The following ABCC11 variants were observed in gnomAD, a reference collection of about 807,000 sequenced individuals.
The protein encoded by ABCC11 is ATP-binding cassette sub-family C member 11.
Under a neutral mutation model 149.3 loss-of-function variants are expected in ABCC11, and 135 were observed. The ratio of observed to expected loss-of-function variants is 0.90; its 90% CI spans 0.79 to 1.04. The LOEUF (loss-of-function observed/expected upper bound fraction) is 1.04. Among genes scored for constraint, ABCC11 ranks in the 50% least tolerant of loss-of-function variants. The pLI, the probability that ABCC11 is intolerant of heterozygous loss-of-function variation, is 0.00. For synonymous variants in ABCC11, 665 were observed against 671.4 expected (o/e 0.99, Z 0.15); for missense variants, 1,680 against 1,722.1 (o/e 0.98, Z 0.43).
intron 12 of ABCC11, 140 bp from the exon 13 acceptor site, chr16:48,205,677 G>A (rs908803324): frequency 2.7e-6 from 3 of 1,104,538 alleles, no homozygotes; most frequent in Non-Finnish European, 3.7e-6. Flanking sequence ...TTTTAATGTG[G>A]CCCTACCAGG....
intron 28 of ABCC11, among the ~76,000 whole-genome samples, chr16:48,169,782 G>A: frequency 9.5e-6 from 1 of 105,664 alleles, no homozygotes; most frequent in Non-Finnish European, 1.8e-5. Flanking sequence ...GGGGGGAGGG[G>A]GGAGGGATAG....
chr16:48,236,521 G>T (rs1228391135), intron 1 of ABCC11, among the ~76,000 whole-genome samples: 1 of 152,208 alleles, frequency 6.6e-6, no homozygotes, highest in East Asian at 1.9e-4. Flanking sequence ...CAGGGACCTT[G>T]TCTGTCATGT....
At chr16:48,202,336 C>A (rs980801309) in intron 14 of ABCC11, among the ~76,000 whole-genome samples, 1 of 152,088 alleles carries the variant, frequency 6.6e-6, no homozygotes, top group Non-Finnish European at 1.5e-5. Flanking sequence ...ATAGGCCAAG[C>A]GCAGTAGCTC....
chr16:48,192,705 G>A lies in ABCC11; in HGVS notation c.2521C>T (p.Arg841Ter), dbSNP rs752713916. The A allele has an allele frequency of 1.1e-5, 17 of 1,614,048 alleles. No individual in the cohort carries two copies. The Admixed American group carries it at 1.5e-4, about 14-fold the overall frequency. ...TCTGCCATGGTTCCATTGCTCTCTC[G>A]GCTGCTATTGGTCTTCAAGAAAGAA... ...LEQGSGTNSS[R>*]ESNGTMADLG... The change falls in exon 20 of 30, where the codon CGA becomes TGA. Residue 841 changes from arginine (R) to a stop codon, truncating the protein, a stop_gained. Transcript: ENST00000356608. LOFTEE classifies it high-confidence loss of function.
At chr16:48,243,101 G>T (rs1322185786) in intron 1 of ABCC11, among the ~76,000 whole-genome samples, 1 of 147,998 alleles carries the variant, frequency 6.8e-6, no homozygotes, top group Non-Finnish European at 1.5e-5. Flanking sequence ...TATCAAGGTT[G>T]TAAAAAAAAA....
downstream of ABCC11, chr16:48,164,837 T>G (rs973111228): frequency 5.9e-5 from 9 of 151,718 alleles, no homozygotes; most frequent in African/African-American, 2.2e-4. Flanking sequence ...AAAATTCTGC[T>G]TTATTACTGC....
intron 24 of ABCC11, among the ~76,000 whole-genome samples, chr16:48,177,588 AACTT>A (rs2150736995): frequency 6.6e-6 from 1 of 152,346 alleles, no homozygotes; most frequent in East Asian, 1.9e-4. Flanking sequence ...TAAGTTCCAC[AACTT>A]ACTTAAGATC....
chr16:48,227,611 C>T (rs1970158034), intron 4 of ABCC11, among the ~76,000 whole-genome samples, 195 bp downstream of exon 4: 2 of 151,944 alleles, frequency 1.3e-5, no homozygotes, highest in Admixed American at 6.6e-5. Flanking sequence ...CCCGTATGTA[C>T]AAAATATCCA....
At chr16:48,240,894 A>C (rs898767433) in intron 1 of ABCC11, among the ~76,000 whole-genome samples, 1 of 152,114 alleles carries the variant, frequency 6.6e-6, no homozygotes, top group Non-Finnish European at 1.5e-5. Context: ...CGTCATTAAT[A>C]AGACATTTCA....
At chr16:48,178,712 G>A (rs75119945) in intron 23 of ABCC11, 26 bp from the exon 24 acceptor site, 1 of 1,606,232 alleles carries the variant, frequency 6.2e-7, no homozygotes, top group South Asian at 1.1e-5. Flanking sequence ...AGTATCGGGG[G>A]TCAAGAGGCT....
chr16:48,237,984 C>T (rs566135768), intron 1 of ABCC11, among the ~76,000 whole-genome samples: 30 of 152,278 alleles, frequency 2.0e-4, no homozygotes, highest in African/African-American at 6.5e-4. Flanking sequence ...TCTTTCCTTG[C>T]TTATTGTTTG....
intron 1 of ABCC11, among the ~76,000 whole-genome samples, chr16:48,234,144 A>G (rs1970566939): frequency 6.6e-6 from 1 of 152,158 alleles, no homozygotes; most frequent in African/African-American, 2.4e-5. Flanking sequence ...CACACCCATC[A>G]TGGCCGATTT....
chr16:48,178,578 A>C lies in ABCC11; in HGVS notation c.3348+19T>G. The C allele has an allele frequency of 6.2e-7, 1 of 1,613,316 alleles. No individual in the cohort carries two copies. Among genetic ancestry groups the C allele is most frequent in the Non-Finnish European group, 8.5e-7 (1 of 1,179,412 alleles). On this transcript the variant is annotated intron_variant, in intron 24 of 29. Coordinates refer to ENST00000356608, the MANE Select transcript of ABCC11 (RefSeq NM_001370497.1). The stretch of plus-strand genomic sequence containing the variant: ...CAACTTGCATGGCTCCCCACACCAG[A>C]CCCAGACCTGAACCCCACCTTCATG...
In ABCC11 at chr16:48,181,437, T is replaced by C. The variant is rs187546760; in HGVS notation, c.3259-2751A>G. On this transcript the variant is annotated intron_variant, in intron 23 of 29. Coordinates refer to ENST00000356608, the MANE Select transcript of ABCC11 (RefSeq NM_001370497.1). ...ATTCCAGGCCAGGCTCTACTCTAGG[T>C]TTTTACAAACATTAAGTCTCACATT... 2.3e-3 allele frequency among the ~76,000 whole-genome samples: 347 copies of C among 152,178 alleles called. 2 individuals are homozygous for C. The highest frequency in any genetic ancestry group is 8.2e-3 in the African/African-American group (341 of 41,502).
At position 48,198,562 on chromosome 16, in the gene ABCC11, G is replaced by A. The variant is rs182725244; in HGVS notation, c.2083-287C>T. On this transcript the variant is annotated intron_variant, in intron 15 of 29. Transcript: ENST00000356608. ...TTGAAGAATTATGAACCAACGATTCGACTCCTAAAACCCTACCCAAAAAAA... is the reference window on the plus strand; with the variant it reads ...TTGAAGAATTATGAACCAACGATTCAACTCCTAAAACCCTACCCAAAAAAA... Among the ~76,000 whole-genome samples the A allele has an allele frequency of 5.9e-5, 9 of 151,468 alleles. No homozygotes were observed. The East Asian group carries it at 9.7e-4, about 16-fold the overall frequency.
chr16:48,188,323 C>G (rs1398905864), intron 20 of ABCC11, among the ~76,000 whole-genome samples: 1 of 152,176 alleles, frequency 6.6e-6, no homozygotes, highest in African/African-American at 2.4e-5. Flanking sequence ...GGACTAAGCC[C>G]CAGTCTGGGG....
intron 3 of ABCC11, among the ~76,000 whole-genome samples, chr16:48,228,965 GAA>G (rs1970257482): frequency 1.3e-5 from 2 of 151,418 alleles, no homozygotes; most frequent in African/African-American, 4.9e-5. Context: ...AATGCAATTC[GAA>G]AAGAGACTTG....
Position 48,167,601 on chromosome 16 carries a change from C to A in ABCC11, c.3951G>T (p.Gln1317His). The change falls in exon 29 of 30, where the codon CAG becomes CAT. Residue 1317 changes from glutamine (Q) to histidine (H), a missense_variant. Coordinates refer to ENST00000356608, the MANE Select transcript of ABCC11 (RefSeq NM_001370497.1). ...CCTGGAAGGCTTCACGGATTGTGCG[C>A]TGGATCAGGGTGTCTGTCTCCATGT... ...SIDMETDTLI[Q>H]RTIREAFQGC... The A allele has an allele frequency of 1.9e-6, 3 of 1,612,414 alleles. No homozygotes were observed. The highest frequency in any genetic ancestry group is 2.5e-6 in the Non-Finnish European group (3 of 1,180,004).
Position 48,222,773 on chromosome 16 carries a change from T to C in ABCC11, c.602A>G (p.His201Arg). 3 of 1,614,200 alleles carry C rather than the reference T, an allele frequency of 1.9e-6. No individual in the cohort carries two copies. The highest frequency in any genetic ancestry group is 2.5e-6 in the Non-Finnish European group (3 of 1,180,020). Residue 201 changes from histidine (H) to arginine (R), a missense_variant, in exon 6 of 30, where the codon CAT (histidine) becomes CGT (arginine). His to Arg is a conservative substitution (Grantham distance 29). Transcript: ENST00000356608. ...AAGGGCAAAGCAGAGTCCCACTCCA[T>C]GGACAACATTCCCCAACTGCTCTTC... ...YSEEQLGNVV[H>R]GVGLCFALFL...
Sources: gnomAD v4.1 joint callset for allele counts (sites outside exome capture counted in the v4.1 genomes callset) on GRCh38, gnomAD v4.1.1 for gene constraint, MANE v1.5 for transcripts, NCBI Gene and HGNC (gene_info 2026-07-23, HGNC 2026-07-21) for gene names.